Variants in CAMK1D observed in about 807,000 individuals in gnomAD.
The protein encoded by CAMK1D is calcium/calmodulin-dependent protein kinase type 1D.
A neutral mutation model predicts 47.7 loss-of-function variants in CAMK1D; 9 were observed. The ratio of observed to expected loss-of-function variants is 0.19; its 90% CI spans 0.11 to 0.33. The LOEUF is 0.33. CAMK1D is among the 10% of genes least tolerant of loss of function. The probability of loss-of-function intolerance (pLI) is 1.00; values close to 1 mark genes in which losing one functional copy is unlikely to be tolerated. For missense variants in CAMK1D, 291 were observed against 488.7 expected, an observed-to-expected ratio of 0.60 and a Z score of 3.81; for synonymous variants, 184 against 184.9, an observed-to-expected ratio of 0.99 and a Z score of 0.04.
intron 3 of CAMK1D, among the ~76,000 whole-genome samples, chr10:12,723,970 T>C (rs1834505729): frequency 6.6e-6 from 1 of 152,136 alleles, no homozygotes; most frequent in Admixed American, 6.5e-5. Context: ...CCAGATGTTC[T>C]CATTGTTCAA....
intron 1 of CAMK1D, among the ~76,000 whole-genome samples, chr10:12,469,123 G>T (rs1833676574): frequency 1.3e-5 from 2 of 152,038 alleles, no homozygotes; most frequent in Admixed American, 1.3e-4. Flanking sequence ...GAGAGGAGGG[G>T]GGCGGTGCTG....
chr10:12,702,644 T>C (rs528595852), intron 3 of CAMK1D, among the ~76,000 whole-genome samples: 1 of 152,326 alleles, frequency 6.6e-6, no homozygotes, highest in South Asian at 2.1e-4. Context: ...GGTTCAGTTA[T>C]GATGATCCCA....
intron 1 of CAMK1D, among the ~76,000 whole-genome samples, chr10:12,500,336 G>A (rs1449425836): frequency 6.6e-6 from 1 of 152,076 alleles, no homozygotes; most frequent in African/African-American, 2.4e-5. Flanking sequence ...TTGTCTCCTG[G>A]GTCAGAATTA....
chr10:12,553,126 T>C (rs919072392), intron 1 of CAMK1D, 99 bp from the exon 2 acceptor site: 12 of 1,587,992 alleles, frequency 7.6e-6, no homozygotes, highest in Non-Finnish European at 9.4e-6. Context: ...AACTGTGCCG[T>C]CGTTATTGTT....
At chr10:12,476,061 G>T (rs990332314) in intron 1 of CAMK1D, among the ~76,000 whole-genome samples, 12 of 148,652 alleles carry the variant, frequency 8.1e-5, no homozygotes, top group Admixed American at 7.9e-4. Context: ...GGGAGGCCGA[G>T]GGGGGGCGGA....
chr10:12,561,764 T>A (rs1836951394), intron 2 of CAMK1D, among the ~76,000 whole-genome samples: 1 of 152,208 alleles, frequency 6.6e-6, no homozygotes, highest in Admixed American at 6.5e-5. Flanking sequence ...GTTTTGTCCC[T>A]TGCAAAAATC....
chr10:12,602,164 G>A (rs1263108990), intron 2 of CAMK1D, among the ~76,000 whole-genome samples: 2 of 152,242 alleles, frequency 1.3e-5, no homozygotes, highest in Non-Finnish European at 2.9e-5. Context: ...TTGATTACAG[G>A]AAAGTAATTC....
intron 2 of CAMK1D, among the ~76,000 whole-genome samples, chr10:12,605,186 C>T (rs987755743): frequency 6.6e-6 from 1 of 152,098 alleles, no homozygotes; most frequent in African/African-American, 2.4e-5. Context: ...GTGCCGGGTA[C>T]CAGTGCAGTA....
intron 6 of CAMK1D, among the ~76,000 whole-genome samples, chr10:12,807,694 T>A (rs1838796410): frequency 6.6e-6 from 1 of 152,200 alleles, no homozygotes; most frequent in Non-Finnish European, 1.5e-5. Context: ...GCATCATCTG[T>A]AGTCCATGCT....
intron 1 of CAMK1D, among the ~76,000 whole-genome samples, chr10:12,401,172 T>A (rs868023984): frequency 1.0e-4 from 5 of 49,950 alleles, no homozygotes; most frequent in East Asian, 5.6e-4. Context: ...AATATATGTA[T>A]TATATATATT....
At chr10:12,664,963 A>G (rs963406175) in intron 2 of CAMK1D, among the ~76,000 whole-genome samples, 6 of 152,250 alleles carry the variant, frequency 3.9e-5, no homozygotes, top group African/African-American at 1.4e-4. Flanking sequence ...GGGAAAATCT[A>G]CGTGATGCCT....
intron 2 of CAMK1D, among the ~76,000 whole-genome samples, chr10:12,580,535 A>T (rs1460569570): frequency 6.6e-6 from 1 of 152,028 alleles, no homozygotes; most frequent in Non-Finnish European, 1.5e-5. Flanking sequence ...CAGAACTCTT[A>T]CTCTTCAAAC....
intron 1 of CAMK1D, among the ~76,000 whole-genome samples, chr10:12,485,612 G>T (rs1007780312): frequency 6.6e-6 from 1 of 152,088 alleles, no homozygotes; most frequent in Non-Finnish European, 1.5e-5. Context: ...GTGGGGCTTC[G>T]ATTGTGACTA....
chr10:12,393,273 C>T (rs1018742427), intron 1 of CAMK1D, among the ~76,000 whole-genome samples: 3 of 152,072 alleles, frequency 2.0e-5, no homozygotes, highest in South Asian at 4.1e-4. Context: ...CCTTGTGATC[C>T]GCACGCCTCG....
At chr10:12,573,831 C>CTGTTTTTTTTTTTTTTTGTT (rs1837402626) in intron 2 of CAMK1D, among the ~76,000 whole-genome samples, 1 of 64,076 alleles carries the variant, frequency 1.6e-5, no homozygotes, top group African/African-American at 5.4e-5. Flanking sequence ...ATTAAAAAAA[C>CTGTTTTTTTTTTTTTTTGTT]TTTTTTTTTT....
Position 12,464,719 on chromosome 10 carries a change from G to A in CAMK1D, c.93-88506G>A, listed in dbSNP as rs552373707. On this transcript the variant is annotated intron_variant, in intron 1 of 10. Transcript: ENST00000619168. ...AGTCCCAGCTACTCAGGAGGCTGAG[G>A]CAGGAGAATGGCATGAACCCGGGAG... Among the ~76,000 whole-genome samples, 23 of 152,060 alleles carry A rather than the reference G, an allele frequency of 1.5e-4. No individual in the cohort carries two copies. The South Asian group carries it at 2.3e-3, about 15-fold the overall frequency.
intron 1 of CAMK1D, among the ~76,000 whole-genome samples, chr10:12,399,901 A>G: frequency 6.6e-6 from 1 of 152,194 alleles, no homozygotes; most frequent in East Asian, 1.9e-4. Flanking sequence ...ATGAATCAAC[A>G]ATATGTGTTA....
intron 5 of CAMK1D, among the ~76,000 whole-genome samples, chr10:12,771,859 C>T (rs1252222819): frequency 6.6e-6 from 1 of 152,140 alleles, no homozygotes; most frequent in Non-Finnish European, 1.5e-5. Context: ...CATGGCAAAA[C>T]CCCATCTCTA....
intron 1 of CAMK1D, among the ~76,000 whole-genome samples, chr10:12,426,239 G>C (rs1840224946): frequency 1.3e-5 from 2 of 152,048 alleles, no homozygotes; most frequent in Non-Finnish European, 2.9e-5. Flanking sequence ...TGCTGTGAAG[G>C]GATATTTTTT....
Sources: gnomAD v4.1 joint callset for allele counts (sites outside exome capture counted in the v4.1 genomes callset) on GRCh38, gnomAD v4.1.1 for gene constraint, MANE v1.5 for transcripts, NCBI Gene and HGNC (gene_info 2026-07-23, HGNC 2026-07-21) for gene names.